MCTP1: variants seen among roughly 807,000 people sequenced by gnomAD.
MCTP1 encodes multiple C2 and transmembrane domain-containing protein 1.
In MCTP1, 69 loss-of-function variants were observed where a neutral mutation model predicts 120.6. The observed-to-expected ratio is 0.57, with a 90% CI of 0.47 to 0.70. The LOEUF (loss-of-function observed/expected upper bound fraction) is 0.70, where lower values mean the gene tolerates loss of function less well. Among genes scored for constraint, MCTP1 ranks in the 30% least tolerant of loss-of-function variants. The pLI is 0.00. For synonymous variants in MCTP1, 529 were observed against 493.1 expected (o/e 1.07, Z -0.96); for missense variants, 1,203 against 1,248.8 (o/e 0.96, Z 0.55).
intron 1 of MCTP1, among the ~76,000 whole-genome samples, chr5:95,079,210 T>C (rs559223253): frequency 6.6e-6 from 1 of 152,280 alleles, no homozygotes; most frequent in Admixed American, 6.5e-5. Flanking sequence ...CAACAGACTC[T>C]CCTGGTGAGT....
chr5:95,127,688 A>G (rs1430337957), intron 1 of MCTP1, among the ~76,000 whole-genome samples: 1 of 152,152 alleles, frequency 6.6e-6, no homozygotes, highest in Non-Finnish European at 1.5e-5. Flanking sequence ...GAAACATCCA[A>G]CGAGAGTGAG....
At chr5:95,169,817 C>T (rs541721129) in intron 1 of MCTP1, among the ~76,000 whole-genome samples, 4 of 152,160 alleles carry the variant, frequency 2.6e-5, no homozygotes, top group South Asian at 4.2e-4. Flanking sequence ...TAGCAGTCTA[C>T]CTGTTTTGTT....
intron 1 of MCTP1, among the ~76,000 whole-genome samples, chr5:95,151,087 C>G (rs1004103261): frequency 6.7e-6 from 1 of 149,470 alleles, no homozygotes; most frequent in Non-Finnish European, 1.5e-5. Flanking sequence ...TGCTCAGCCT[C>G]CCAAGTAGCT....
chr5:94,944,438 T>C (rs73136055), intron 3 of MCTP1, among the ~76,000 whole-genome samples: 7,530 of 152,226 alleles, frequency 0.049, 497 homozygotes, highest in African/African-American at 0.15. Flanking sequence ...CAATATACAA[T>C]TTACACCAAA....
chr5:95,194,109 G>A (rs569198623), intron 1 of MCTP1, among the ~76,000 whole-genome samples: 8 of 152,202 alleles, frequency 5.3e-5, no homozygotes, highest in African/African-American at 1.7e-4. Context: ...CTAACTCCTC[G>A]GGAGGTTGAG....
At chr5:94,802,932 G>T (rs1051258830) in intron 17 of MCTP1, among the ~76,000 whole-genome samples, 1 of 152,124 alleles carries the variant, frequency 6.6e-6, no homozygotes, top group African/African-American at 2.4e-5. Context: ...ACTCACAAAT[G>T]TCTACAGAGT....
intron 19 of MCTP1, among the ~76,000 whole-genome samples, chr5:94,775,273 T>C (rs965037964): frequency 6.6e-6 from 1 of 152,244 alleles, no homozygotes; most frequent in Non-Finnish European, 1.5e-5. Context: ...TTTTATCTTC[T>C]GCTTCCTGAT....
chr5:94,729,347 G>C (rs111936393), intron 19 of MCTP1, among the ~76,000 whole-genome samples: 16 of 152,284 alleles, frequency 1.1e-4, no homozygotes, highest in African/African-American at 3.1e-4. Flanking sequence ...CATGGAGCGG[G>C]TGCTTGGCAG....
chr5:94,716,277 A>G (rs532626950), intron 19 of MCTP1, among the ~76,000 whole-genome samples: 3 of 152,252 alleles, frequency 2.0e-5, no homozygotes, highest in Non-Finnish European at 2.9e-5. Flanking sequence ...ATAAAGCTTA[A>G]TAACAGTATT....
chr5:95,148,153 G>A (rs751997136), intron 1 of MCTP1, among the ~76,000 whole-genome samples: 1 of 152,120 alleles, frequency 6.6e-6, no homozygotes. Context: ...TGTTGACATT[G>A]GTGAACCTGA....
intron 2 of MCTP1, among the ~76,000 whole-genome samples, chr5:94,983,183 C>T (rs1378853404): frequency 6.6e-6 from 1 of 152,066 alleles, no homozygotes. Flanking sequence ...TGGACAGGTA[C>T]TCTGAGCTCC....
rs112934136 is a variant in MCTP1, at chr5:94,780,601, T to TA, written c.2557-1439dup. On this transcript the variant is annotated intron_variant, in intron 18 of 22. Transcript: ENST00000515393. The stretch of plus-strand genomic sequence containing the variant: ...TTTCAAAAGAATCACAGTGGTGCAA[T>TA]ATGCAGTTTTGCATATCTGATGAGA... 8.9e-3 allele frequency among the ~76,000 whole-genome samples: 1,348 copies of TA among 152,288 alleles called. 9 individuals are homozygous for TA. Among genetic ancestry groups the TA allele is most frequent in the Middle Eastern group, 0.034 (10 of 294 alleles).
At chr5:94,753,350 T>G (rs1768951183) in intron 19 of MCTP1, among the ~76,000 whole-genome samples, 1 of 152,176 alleles carries the variant, frequency 6.6e-6, no homozygotes, top group South Asian at 2.1e-4. Flanking sequence ...CCCCTAAAAA[T>G]TATTGCCATA....
intron 17 of MCTP1, among the ~76,000 whole-genome samples, chr5:94,823,040 C>G (rs1332448771): frequency 6.6e-6 from 1 of 152,166 alleles, no homozygotes; most frequent in Non-Finnish European, 1.5e-5. Context: ...TGTGCAGGAG[C>G]TCTATGGTTT....
At chr5:95,099,772 G>C (rs1756577184) in intron 1 of MCTP1, among the ~76,000 whole-genome samples, 1 of 150,530 alleles carries the variant, frequency 6.6e-6, no homozygotes, top group South Asian at 2.1e-4. Context: ...CCCATTACTG[G>C]GTATATACCC....
At chr5:95,113,768 G>C (rs997211135) in intron 1 of MCTP1, among the ~76,000 whole-genome samples, 1 of 152,186 alleles carries the variant, frequency 6.6e-6, no homozygotes, top group African/African-American at 2.4e-5. Flanking sequence ...TGAGTCAGTA[G>C]ACTTAAAGGG....
chr5:95,144,231 C>T (rs2152445490), intron 1 of MCTP1, among the ~76,000 whole-genome samples: 1 of 152,186 alleles, frequency 6.6e-6, no homozygotes, highest in Admixed American at 6.5e-5. Flanking sequence ...CTGTTCATGT[C>T]CTTTGCCCAT....
chr5:95,207,990 AAAGAGAGGGAGAGAGAGGGAGAGAGAGGG>A (rs1751851607), intron 1 of MCTP1, among the ~76,000 whole-genome samples: 1 of 103,008 alleles, frequency 9.7e-6, no homozygotes, highest in Non-Finnish European at 2.4e-5. Flanking sequence ...AGAGAGAGAG[AAAGAGAGGGAGAGAGAGGGAGAGAGAGGG>A]AGAGAGAGAG....
intron 12 of MCTP1, among the ~76,000 whole-genome samples, chr5:94,875,556 G>T (rs767737479): frequency 9.9e-5 from 15 of 152,004 alleles, no homozygotes; most frequent in Admixed American, 2.0e-4. Context: ...GTAGAGAAAG[G>T]ACAATGGAGG....
Sources: allele counts gnomAD v4.1 joint callset (sites outside exome capture counted in the v4.1 genomes callset), GRCh38; gene constraint gnomAD v4.1.1; transcripts MANE v1.5; gene names NCBI Gene and HGNC (gene_info 2026-07-23, HGNC 2026-07-21).